LINGO1: variants seen among roughly 807,000 people sequenced by gnomAD.
LINGO1 encodes leucine-rich repeat and immunoglobulin-like domain-containing nogo receptor-interacting protein 1.
In LINGO1, 11 loss-of-function variants were observed where a neutral mutation model predicts 37.3. That is an observed-to-expected ratio of 0.29 (90% CI 0.19 to 0.49). The LOEUF is 0.49. Among genes scored for constraint, LINGO1 ranks in the 20% least tolerant of loss-of-function variants. LINGO1 has a pLI of 0.99. For missense variants in LINGO1, 585 were observed against 878.2 expected (o/e 0.67, Z 4.22); for synonymous variants, 387 against 403.0 (o/e 0.96, Z 0.48).
chr15:77,639,611 C>T (rs954625724), intron 3 of LINGO1, among the ~76,000 whole-genome samples: 4 of 152,100 alleles, frequency 2.6e-5, no homozygotes, highest in African/African-American at 4.8e-5. Flanking sequence ...GAACACGGTA[C>T]ATTCGCACAA....
At chr15:77,807,268 G>A (rs2076967974) in intron 1 of LINGO1, among the ~76,000 whole-genome samples, 1 of 152,222 alleles carries the variant, frequency 6.6e-6, no homozygotes, top group African/African-American at 2.4e-5. Flanking sequence ...ATGTTTGTGT[G>A]GTGGTGCCCC....
chr15:77,784,116 G>A (rs2076748575), intron 1 of LINGO1, among the ~76,000 whole-genome samples: 1 of 152,248 alleles, frequency 6.6e-6, no homozygotes, highest in Non-Finnish European at 1.5e-5. Flanking sequence ...CAATCTGTCA[G>A]GACCCTCCTT....
intron 1 of LINGO1, chr15:77,696,273 A>G (rs1367918893): frequency 6.6e-6 from 1 of 152,140 alleles, no homozygotes; most frequent in Non-Finnish European, 1.5e-5. Flanking sequence ...CCACACCCCC[A>G]CCCTGGAGAG....
chr15:77,765,236 GA>G (rs1248114175), intron 1 of LINGO1, among the ~76,000 whole-genome samples: 2 of 152,036 alleles, frequency 1.3e-5, no homozygotes, highest in Non-Finnish European at 2.9e-5. Context: ...CCAACATGGT[GA>G]AACCCCGTCT....
intron 3 of LINGO1, among the ~76,000 whole-genome samples, chr15:77,676,555 C>G (rs147839675): frequency 1.3e-5 from 2 of 152,274 alleles, no homozygotes; most frequent in East Asian, 3.9e-4. Flanking sequence ...AGGCCCACCA[C>G]AGAGGGGGAC....
At chr15:77,682,753 A>T (rs2075438930) in intron 2 of LINGO1, among the ~76,000 whole-genome samples, 2 of 151,620 alleles carry the variant, frequency 1.3e-5, no homozygotes, top group Non-Finnish European at 2.9e-5. Context: ...CCCCATCCAC[A>T]CAGTGGCAAT....
chr15:77,728,450 C>T (rs1486238461), intron 2 of LINGO1, among the ~76,000 whole-genome samples: 1 of 152,198 alleles, frequency 6.6e-6, no homozygotes, highest in African/African-American at 2.4e-5. Context: ...ACACAGGGGC[C>T]ACACCTGGAA....
At position 77,632,058 on chromosome 15, in the gene LINGO1, C is replaced by T. The variant is rs2074270635; in HGVS notation, c.6+252G>A. 1.3e-5 allele frequency among the ~76,000 whole-genome samples: 2 copies of T among 152,008 alleles called. No individual in the cohort carries two copies. The highest frequency in any genetic ancestry group is 2.9e-5 in the Non-Finnish European group (2 of 68,006). ...AGCAGGTCTGGGACACCCGTGGGGG[C>T]CCCTCCCCAGCTCCAGGCTCCCAGC... On this transcript the variant is annotated intron_variant, in intron 1 of 1. Coordinates refer to ENST00000355300, the MANE Select transcript of LINGO1 (RefSeq NM_032808.7). The surrounding 1 kb of genome is among the most constrained non-coding windows in gnomAD (Gnocchi z 6.0).
At chr15:77,776,510 A>G (rs1369064123) in intron 1 of LINGO1, among the ~76,000 whole-genome samples, 8 of 75,436 alleles carry the variant, frequency 1.1e-4, no homozygotes, top group African/African-American at 2.3e-4. Context: ...GGAAGGCAGG[A>G]AGGCAGGAAG....
intron 2 of LINGO1, among the ~76,000 whole-genome samples, chr15:77,710,018 A>T (rs4578613): frequency 0.45 from 67,696 of 152,122 alleles, 15,919 homozygotes; most frequent in Admixed American, 0.58. Context: ...AGAAGGGCAC[A>T]GGGGAGTTGG....
intron 2 of LINGO1, among the ~76,000 whole-genome samples, chr15:77,707,218 GGGA>G (rs1175053740): frequency 6.6e-6 from 1 of 152,174 alleles, no homozygotes; most frequent in Non-Finnish European, 1.5e-5. Flanking sequence ...AGAAATGGTG[GGGA>G]GGAGGAGGAG....
chr15:77,779,841 G>C (rs1422801527), intron 1 of LINGO1, among the ~76,000 whole-genome samples: 1 of 152,182 alleles, frequency 6.6e-6, no homozygotes, highest in East Asian at 1.9e-4. Flanking sequence ...ACAGTGCCTG[G>C]ACTAGGAGGT....
At chr15:77,771,374 A>G (rs1349028196) in intron 1 of LINGO1, among the ~76,000 whole-genome samples, 1 of 152,220 alleles carries the variant, frequency 6.6e-6, no homozygotes, top group Non-Finnish European at 1.5e-5. Context: ...GATAAGGGCC[A>G]GGGCTGGGCT....
At chr15:77,716,280 C>CTTTTTTTTTT (rs5813879) in intron 2 of LINGO1, among the ~76,000 whole-genome samples, 1 of 119,266 alleles carries the variant, frequency 8.4e-6, no homozygotes, top group African/African-American at 3.1e-5. Flanking sequence ...TCTTCTTCTT[C>CTTTTTTTTTT]TTTTTTTTTT....
Position 77,615,619 on chromosome 15 carries a change from G to A in LINGO1, c.288C>T (p.His96=), listed in dbSNP as rs772484972. ...LNQDEFASFP[H]LEELELNENI... Reference sequence around the variant, plus strand: ...TCTCGTTGAGCTCCAGCTCCTCCAGGTGCGGGAAGCTGGCGAACTCGTCCT... The same window carrying A: ...TCTCGTTGAGCTCCAGCTCCTCCAGATGCGGGAAGCTGGCGAACTCGTCCT... Residue 96 remains histidine, a synonymous_variant, in exon 2 of 2, where the codon CAC becomes CAT. Coordinates refer to ENST00000355300, the MANE Select transcript of LINGO1 (RefSeq NM_032808.7). 1.9e-6 allele frequency: 3 copies of A among 1,612,278 alleles called. No homozygotes were observed. The highest frequency in any genetic ancestry group is 3.3e-5 in the Admixed American group (2 of 59,738).
At chr15:77,690,282 G>A (rs949219179) in intron 2 of LINGO1, among the ~76,000 whole-genome samples, 1 of 152,140 alleles carries the variant, frequency 6.6e-6, no homozygotes, top group African/African-American at 2.4e-5. Flanking sequence ...AGATCAACTC[G>A]AGGACTTTCG....
intron 1 of LINGO1, among the ~76,000 whole-genome samples, chr15:77,770,336 C>T (rs1208094555): frequency 1.3e-5 from 2 of 152,064 alleles, no homozygotes; most frequent in Non-Finnish European, 2.9e-5. Context: ...GCCTGTAATC[C>T]CAGCACTTTG....
At chr15:77,794,231 T>C (rs72730734) in intron 2 of LINGO1, among the ~76,000 whole-genome samples, 7,248 of 149,548 alleles carry the variant, frequency 0.048, 328 homozygotes, top group Non-Finnish European at 0.076. Context: ...AGGGACTAAT[T>C]AGTTGCTCAT....
At chr15:77,808,168 C>T (rs1162686822) in intron 1 of LINGO1, among the ~76,000 whole-genome samples, 3 of 152,094 alleles carry the variant, frequency 2.0e-5, no homozygotes, top group Non-Finnish European at 2.9e-5. Context: ...GGACACAATT[C>T]TCCCCTGTTC....
Sources: gnomAD v4.1 joint callset for allele counts (sites outside exome capture counted in the v4.1 genomes callset) on GRCh38, gnomAD v4.1.1 for gene constraint, Gnocchi (gnomAD v3.1) non-coding constraint, MANE v1.5 for transcripts, NCBI Gene and HGNC (gene_info 2026-07-23, HGNC 2026-07-21) for gene names.